The following P3H2 variants were observed in gnomAD, a reference collection of about 807,000 sequenced individuals.
The protein encoded by P3H2 is leprecan-like 1.
Under a neutral mutation model 87.0 loss-of-function variants are expected in P3H2, and 80 were observed. That is an observed-to-expected ratio of 0.92 (90% confidence interval 0.77 to 1.11). The LOEUF (loss-of-function observed/expected upper bound fraction) is 1.11. Ranked by LOEUF, P3H2 falls within the 50% of genes least tolerant of loss-of-function variation. P3H2 has a pLI of 0.00. For synonymous variants in P3H2, 367 were observed against 359.3 expected, an observed-to-expected ratio of 1.02 and a Z score of -0.24; for missense variants, 1,001 against 923.9, an observed-to-expected ratio of 1.08 and a Z score of -1.08.
chr3:190,099,713 A>T (rs1711552473), intron 1 of P3H2, among the ~76,000 whole-genome samples: 1 of 152,224 alleles, frequency 6.6e-6, no homozygotes, highest in Non-Finnish European at 1.5e-5. Flanking sequence ...TAGAAAAAAG[A>T]TGGTATTAAC....
At chr3:189,976,790 T>C (rs1433129338) in intron 8 of P3H2, among the ~76,000 whole-genome samples, 1 of 152,186 alleles carries the variant, frequency 6.6e-6, no homozygotes, top group East Asian at 1.9e-4. Context: ...TTTTTGAAAA[T>C]TGTGATTAAA....
intron 1 of P3H2, among the ~76,000 whole-genome samples, chr3:190,053,806 T>G (rs573015974): frequency 1.3e-5 from 2 of 152,254 alleles, no homozygotes; most frequent in African/African-American, 4.8e-5. Context: ...TGGGGCCCAA[T>G]TTGTTGATCT....
rs756909810 is a variant in P3H2 at position 189,973,926 on chromosome 3, C to T, written c.1531G>A (p.Val511Ile). ...TPNEKFEGAT[V>I]LKALKSGYEG... is the part of the protein sequence containing the mutation. ...GACTTTACTTTGAGTGCTTTCAGGA[C>T]AGTTGCACCTTCAAACTTTTCATTG... The change falls in exon 10 of 15, where the codon GTC becomes ATC. Residue 511 changes from valine (V) to isoleucine (I), a missense_variant. Val to Ile is a conservative substitution (Grantham distance 29, BLOSUM62 3). Transcript: ENST00000319332. The T allele has an allele frequency of 6.2e-6, 10 of 1,613,724 alleles. No homozygotes were observed. Among genetic ancestry groups the T allele is most frequent in the Admixed American group, 1.7e-5 (1 of 60,022 alleles).
In P3H2 at chr3:190,120,602, A is replaced by C. The variant is rs530871257; in HGVS notation, c.130T>G (p.Phe44Val). 1 of 1,544,692 alleles carries C rather than the reference A, an allele frequency of 6.5e-7. No individual in the cohort carries two copies. Among genetic ancestry groups the C allele is most frequent in the South Asian group, 1.2e-5 (1 of 84,128 alleles). Residue 44 changes from phenylalanine (F) to valine (V), a missense_variant, in exon 1 of 15, where the codon TTC becomes GTC. Transcript: ENST00000319332. ...GCGCCGCTGGCGTAGAGCAGGTCGA[A>C]GGGCTGCAGAGGCCCGGGCTCCAGC... ...LELEPGPLQP[F>V]DLLYASGAAA...
chr3:190,028,718 T>C (rs1467927484), intron 1 of P3H2, among the ~76,000 whole-genome samples: 1 of 152,008 alleles, frequency 6.6e-6, no homozygotes, highest in African/African-American at 2.4e-5. Flanking sequence ...TTAATAATTG[T>C]TTGAATGGAG....
intron 1 of P3H2, among the ~76,000 whole-genome samples, chr3:190,114,139 A>G (rs1712188001): frequency 6.6e-6 from 1 of 150,414 alleles, no homozygotes; most frequent in South Asian, 2.1e-4. Flanking sequence ...CTGACTAACC[A>G]TGGGAGAATA....
chr3:190,099,745 T>C (rs1711553417), intron 1 of P3H2, among the ~76,000 whole-genome samples: 2 of 152,236 alleles, frequency 1.3e-5, no homozygotes, highest in African/African-American at 4.8e-5. Flanking sequence ...TGATCTTTTT[T>C]AGCATTATGG....
chr3:190,112,481 CTTTTA>C (rs1414342155), intron 1 of P3H2, among the ~76,000 whole-genome samples: 1 of 152,132 alleles, frequency 6.6e-6, no homozygotes, highest in African/African-American at 2.4e-5. Context: ...GGCTCAATGG[CTTTTA>C]TTTTAATACA....
chr3:190,064,560 A>G (rs767416906), intron 1 of P3H2, among the ~76,000 whole-genome samples: 2 of 152,120 alleles, frequency 1.3e-5, no homozygotes, highest in Non-Finnish European at 2.9e-5. Context: ...GTGCATTCAC[A>G]TATATATTTA....
intron 1 of P3H2, among the ~76,000 whole-genome samples, chr3:190,099,087 GAAT>G (rs1202057699): frequency 2.6e-5 from 4 of 151,892 alleles, no homozygotes; most frequent in Admixed American, 6.6e-5. Context: ...GTAGATATAA[GAAT>G]AATAACAAAT....
chr3:190,039,643 A>G (rs1198714292), intron 1 of P3H2, among the ~76,000 whole-genome samples: 1 of 152,252 alleles, frequency 6.6e-6, no homozygotes, highest in Non-Finnish European at 1.5e-5. Context: ...CAGGCATTCA[A>G]CATCTACCAA....
intron 1 of P3H2, among the ~76,000 whole-genome samples, chr3:190,048,186 T>C (rs1437900482): frequency 6.6e-6 from 1 of 152,190 alleles, no homozygotes; most frequent in Non-Finnish European, 1.5e-5. Context: ...ATTTTAAAAA[T>C]GGCTTCTGCT....
chr3:190,121,984 C>A (rs1712621646), upstream of P3H2, among the ~76,000 whole-genome samples: 3 of 150,780 alleles, frequency 2.0e-5, no homozygotes, highest in South Asian at 6.3e-4. Context: ...CCCAGCTACT[C>A]AGGAGGCTGA....
At chr3:190,057,437 C>A (rs1396399565) in intron 1 of P3H2, among the ~76,000 whole-genome samples, 2 of 152,156 alleles carry the variant, frequency 1.3e-5, no homozygotes, top group African/African-American at 4.8e-5. Context: ...CTAATCATGT[C>A]TGGAATGAAA....
rs144912441 is a variant in P3H2, at chr3:190,070,145, C to T, written c.480+50107G>A. 5.9e-5 allele frequency among the ~76,000 whole-genome samples: 9 copies of T among 152,074 alleles called. No homozygotes were observed. In the East Asian group the frequency reaches 1.7e-3, roughly 29 times the overall value. ...AGCATGAAGTCCTTATGAAGGCTAG[C>T]GGAAATAGGTCAGATCCAGGGATTT... On this transcript the variant is annotated intron_variant, in intron 1 of 14. Transcript: ENST00000319332.
intron 1 of P3H2, among the ~76,000 whole-genome samples, chr3:190,071,798 A>G (rs1042882248): frequency 2.0e-5 from 3 of 152,178 alleles, no homozygotes; most frequent in Non-Finnish European, 2.9e-5. Context: ...TAGGTGATCA[A>G]TAATTGAAAG....
chr3:190,014,922 AC>A (rs1451231994), intron 1 of P3H2, among the ~76,000 whole-genome samples: 1 of 152,132 alleles, frequency 6.6e-6, no homozygotes, highest in Non-Finnish European at 1.5e-5. Context: ...TCTGCTGGCA[AC>A]CTGTCGAGTG....
At chr3:190,022,975 C>T (rs942245517) in intron 1 of P3H2, among the ~76,000 whole-genome samples, 5 of 152,060 alleles carry the variant, frequency 3.3e-5, no homozygotes, top group African/African-American at 1.2e-4. Flanking sequence ...TACAGGCACC[C>T]ACCACCACGC....
chr3:190,005,100 G>C (rs1577267509), intron 1 of P3H2, among the ~76,000 whole-genome samples: 1 of 152,136 alleles, frequency 6.6e-6, no homozygotes, highest in Non-Finnish European at 1.5e-5. Flanking sequence ...ATGGATTTCT[G>C]TTTCTAAGAT....
Sources: allele counts gnomAD v4.1 joint callset (sites outside exome capture counted in the v4.1 genomes callset), GRCh38; gene constraint gnomAD v4.1.1; transcripts MANE v1.5; gene names NCBI Gene and HGNC (gene_info 2026-07-23, HGNC 2026-07-21).